P2RY12: variants seen among roughly 807,000 people sequenced by gnomAD.
P2RY12 encodes the protein purinergic receptor P2Y12.
P2RY12 carries 3 observed loss-of-function variants against 4.5 expected under a neutral mutation model. The observed-to-expected ratio is 0.67, with a 90% CI of 0.31 to 1.74. P2RY12 has a LOEUF of 1.74. Ranked by LOEUF, P2RY12 falls within the 40% of genes most tolerant of loss-of-function variation. The pLI is 0.09. For missense variants in P2RY12, 356 were observed against 407.8 expected (o/e 0.87, Z 1.09); for synonymous variants, 148 against 154.1 (o/e 0.96, Z 0.29).
Position 151,337,282 on chromosome 3 carries a change from T to A in P2RY12, c.*535A>T, listed in dbSNP as rs1751132524. ...TTCAATTAGTTTAAATCCCTTAGGT[T>A]TTTGCTAATAATGAAAAGTTAATAG... On this transcript the variant is annotated 3_prime_UTR_variant, in exon 3 of 3. Coordinates refer to ENST00000302632, the MANE Select transcript of P2RY12 (RefSeq NM_022788.5). 6.5e-6 allele frequency: 1 copy of A among 152,798 alleles called. No homozygotes were observed. The highest frequency in any genetic ancestry group is 2.0e-4 in the South Asian group (1 of 4,882). 9.5% of individuals were successfully genotyped at this position (152,798 alleles called of 1,614,324 possible).
intron 1 of P2RY12, among the ~76,000 whole-genome samples, chr3:151,368,732 T>G (rs182840241): frequency 0.013 from 1,256 of 96,642 alleles, 77 homozygotes; most frequent in East Asian, 0.099. Context: ...TTCATTTCAT[T>G]TCATTTCATT....
intron 1 of P2RY12, chr3:151,380,305 A>C (rs558538730): frequency 1.0e-6 from 1 of 968,782 alleles, no homozygotes; most frequent in Admixed American, 2.6e-5. Context: ...ACTGAGATTA[A>C]ATTAATAAGG....
At chr3:151,364,959 T>C in intron 1 of P2RY12, 2 of 1,563,946 alleles carry the variant, frequency 1.3e-6, no homozygotes, top group Non-Finnish European at 1.8e-6. Flanking sequence ...CTGTTTTAAC[T>C]TTTTTTCTTA....
At chr3:151,365,866 A>G in intron 1 of P2RY12, 2 of 1,610,164 alleles carry the variant, frequency 1.2e-6, no homozygotes, top group Non-Finnish European at 1.7e-6. Flanking sequence ...CGACATAGCC[A>G]ATTTCTCCTC....
chr3:151,365,441 A>G (rs1393203331), intron 1 of P2RY12, among the ~76,000 whole-genome samples: 3 of 152,200 alleles, frequency 2.0e-5, no homozygotes, highest in Non-Finnish European at 4.4e-5. Flanking sequence ...ATGGCCAACA[A>G]TTACATGATT....
chr3:151,368,661 T>TG (rs1491502437), intron 1 of P2RY12, among the ~76,000 whole-genome samples: 2 of 66,590 alleles, frequency 3.0e-5, no homozygotes, highest in East Asian at 7.7e-4. Flanking sequence ...TTTCATTTCA[T>TG]TTCATTTCAT....
intron 2 of P2RY12, among the ~76,000 whole-genome samples, chr3:151,339,319 TGAGA>T: frequency 6.6e-6 from 1 of 151,674 alleles, no homozygotes; most frequent in South Asian, 2.1e-4. Flanking sequence ...TCAAAACAGT[TGAGA>T]GAGAAATGAT....
intron 1 of P2RY12, among the ~76,000 whole-genome samples, chr3:151,344,022 G>T (rs1245649707): frequency 6.6e-6 from 1 of 152,026 alleles, no homozygotes; most frequent in Non-Finnish European, 1.5e-5. Context: ...TTATCCATTG[G>T]AATATAGAAA....
chr3:151,364,521 C>T (rs1755044879), intron 1 of P2RY12, among the ~76,000 whole-genome samples: 1 of 152,290 alleles, frequency 6.6e-6, no homozygotes, highest in Non-Finnish European at 1.5e-5. Context: ...AGTCTTGGCA[C>T]ACGAACTTCT....
At position 151,341,798 on chromosome 3, in the gene P2RY12, G is replaced by A. The variant is rs556306690; in HGVS notation, c.-179-1038C>T. On this transcript the variant is annotated intron_variant, in intron 1 of 2. Transcript: ENST00000302632. ...TGTGTCCATGTGTTCTCATTGTTCA[G>A]TTCCCACCTATGAGTGAGAATATGT... Among the ~76,000 whole-genome samples the A allele has an allele frequency of 1.9e-3, 283 of 148,948 alleles. 1 individual carries two copies. Among genetic ancestry groups the A allele is most frequent in the Non-Finnish European group, 3.1e-3 (208 of 67,582 alleles).
At chr3:151,377,262 T>C in intron 1 of P2RY12, 2 of 1,099,410 alleles carry the variant, frequency 1.8e-6, no homozygotes, top group Middle Eastern at 2.1e-4. Flanking sequence ...GATTTTTCTT[T>C]AAGTCATAGG....
At chr3:151,349,977 T>C (rs1753019482) in intron 1 of P2RY12, 1 of 1,334,836 alleles carries the variant, frequency 7.5e-7, no homozygotes, top group Admixed American at 2.0e-5. Flanking sequence ...ATGGAGGTGC[T>C]GTGGTCAGTG....
intron 1 of P2RY12, chr3:151,355,856 G>C: frequency 6.6e-7 from 1 of 1,515,086 alleles, no homozygotes; most frequent in Non-Finnish European, 9.0e-7. Context: ...AGATTATTTA[G>C]AATATTGGTC....
At chr3:151,356,627 TTTTTTGTTGTTG>T (rs1354208051) in intron 1 of P2RY12, among the ~76,000 whole-genome samples, 1 of 152,120 alleles carries the variant, frequency 6.6e-6, no homozygotes, top group African/African-American at 2.4e-5. Context: ...TCTTCTGTTT[TTTTTTGTTGTTG>T]TTGTTGTTTT....
intron 1 of P2RY12, among the ~76,000 whole-genome samples, chr3:151,345,853 A>C (rs751468978): frequency 3.3e-5 from 5 of 152,060 alleles, no homozygotes; most frequent in Non-Finnish European, 7.4e-5. Flanking sequence ...GATGTAAACA[A>C]ATCTTGTAGG....
intron 1 of P2RY12, among the ~76,000 whole-genome samples, chr3:151,344,440 C>G (rs1752282671): frequency 6.6e-6 from 1 of 152,030 alleles, no homozygotes; most frequent in Non-Finnish European, 1.5e-5. Context: ...AACAAAATAG[C>G]ATGGTATATT....
At chr3:151,383,685 A>G in intron 1 of P2RY12, 1 of 749,418 alleles carries the variant, frequency 1.3e-6, no homozygotes, top group South Asian at 1.9e-5. Flanking sequence ...TTGTTTTTTT[A>G]AATAAAAAAC....
At chr3:151,360,733 G>T in intron 1 of P2RY12, 1 of 794,498 alleles carries the variant, frequency 1.3e-6, no homozygotes, top group Non-Finnish European at 2.0e-6. Context: ...CAGTAATTTT[G>T]ATATACTCAT....
chr3:151,357,427 T>G, intron 1 of P2RY12: 1 of 1,475,728 alleles, frequency 6.8e-7, no homozygotes, highest in Non-Finnish European at 9.1e-7. Context: ...AATGTATAAC[T>G]AGTGATGAAA....
Sources: gnomAD v4.1 joint callset for allele counts (sites outside exome capture counted in the v4.1 genomes callset) on GRCh38, gnomAD v4.1.1 for gene constraint, MANE v1.5 for transcripts, NCBI Gene and HGNC (gene_info 2026-07-23, HGNC 2026-07-21) for gene names.